Variants in GALNT2 observed in about 807,000 individuals in gnomAD.
The protein encoded by GALNT2 is polypeptide N-acetylgalactosaminyltransferase 2, also known as UDP-GalNAc:polypeptide N-acetylgalactosaminyltransferase 2.
In GALNT2, 31 loss-of-function variants were observed where a neutral mutation model predicts 81.4. That is an observed-to-expected ratio of 0.38 (90% confidence interval 0.29 to 0.51). The LOEUF is 0.51. Among genes scored for constraint, GALNT2 ranks in the 20% least tolerant of loss-of-function variants. GALNT2 has a pLI of 0.87. For missense variants in GALNT2, 629 were observed against 765.7 expected, an observed-to-expected ratio of 0.82 and a Z score of 2.11; for synonymous variants, 303 against 287.4, an observed-to-expected ratio of 1.05 and a Z score of -0.55.
intron 1 of GALNT2, among the ~76,000 whole-genome samples, chr1:230,072,922 C>T (rs902822832): frequency 1.3e-5 from 2 of 152,192 alleles, no homozygotes; most frequent in African/African-American, 4.8e-5. Flanking sequence ...GAGGCCTAGC[C>T]CCACTTCCAT....
chr1:230,112,343 G>A lies in GALNT2; in HGVS notation c.126+44937G>A, dbSNP rs191558467. On this transcript the variant is annotated intron_variant, in intron 1 of 15. Coordinates refer to ENST00000366672, the MANE Select transcript of GALNT2 (RefSeq NM_004481.5). ...GGAGTGCAGCCTGCACATGGGGTGG[G>A]TAGTTCTTAAAGGGAGCCTGCCTCC... 1.2e-3 allele frequency among the ~76,000 whole-genome samples: 167 copies of A among 142,222 alleles called. 1 individual carries two copies. Among genetic ancestry groups the A allele is most frequent in the Middle Eastern group, 4.2e-3 (1 of 238 alleles). The allele number at this position is 142,222 out of a possible 152,430, so 93.3% of individuals were successfully genotyped here. A position where few individuals can be genotyped will look rare whatever the true frequency, so the allele number is the denominator to read the frequency against.
At chr1:230,226,886 A>T (rs554764928) in intron 3 of GALNT2, among the ~76,000 whole-genome samples, 75 of 152,346 alleles carry the variant, frequency 4.9e-4, no homozygotes, top group African/African-American at 1.7e-3. Context: ...GCAGGGTGTA[A>T]ACCTAAAGAA....
chr1:230,126,337 A>G (rs1661175070), intron 1 of GALNT2, among the ~76,000 whole-genome samples: 1 of 152,192 alleles, frequency 6.6e-6, no homozygotes, highest in Non-Finnish European at 1.5e-5. Context: ...TGATGAGTAT[A>G]GCTGAGAGAG....
rs779946304 is a variant in GALNT2, at chr1:230,203,265, G to A, written c.349G>A (p.Ala117Thr). The change falls in exon 3 of 16, where the codon GCC becomes ACC. Residue 117 changes from alanine to threonine, a missense_variant. Ala to Thr is a moderately conservative substitution (Grantham distance 58, BLOSUM62 0). Coordinates refer to ENST00000366672, the MANE Select transcript of GALNT2 (RefSeq NM_004481.5). ...GAGTGATAAGCTTCGAATGGACAGA[G>A]CCATCCCTGACACCCGGCATGACCA... ...VESDKLRMDR[A>T]IPDTRHDQCQ... The A allele has an allele frequency of 6.2e-7, 1 of 1,614,152 alleles. No homozygotes were observed. The highest frequency in any genetic ancestry group is 8.5e-7 in the Non-Finnish European group (1 of 1,180,006).
intron 1 of GALNT2, among the ~76,000 whole-genome samples, chr1:230,068,077 C>G (rs190342598): frequency 6.6e-6 from 1 of 152,246 alleles, no homozygotes; most frequent in Non-Finnish European, 1.5e-5. Context: ...CCCAACCCGG[C>G]CCCCGGCCCT....
In GALNT2 at chr1:230,067,725, G is replaced by A. The variant is rs1051946338; in HGVS notation, c.126+319G>A. Among the ~76,000 whole-genome samples, 8 of 152,302 alleles carry A rather than the reference G, an allele frequency of 5.3e-5. No individual in the cohort carries two copies. The South Asian group carries it at 1.7e-3, about 32-fold the overall frequency. ...CCATCCCCTGCGGTTGGAAGTTTAG[G>A]GATGGGGGTGTTGGGAAACACAAAG... On this transcript the variant is annotated intron_variant, in intron 1 of 15. Transcript: ENST00000366672.
chr1:230,128,689 AC>A (rs977350590), intron 1 of GALNT2, among the ~76,000 whole-genome samples: 13 of 152,116 alleles, frequency 8.5e-5, no homozygotes, highest in African/African-American at 3.1e-4. Flanking sequence ...CCTGAGTGTC[AC>A]AAGAGCCTGA....
intron 1 of GALNT2, among the ~76,000 whole-genome samples, chr1:230,171,912 C>T (rs567744572): frequency 6.6e-6 from 1 of 152,178 alleles, no homozygotes; most frequent in South Asian, 2.1e-4. Context: ...CACCTCACAG[C>T]CCCTGCCCCC....
intron 2 of GALNT2, among the ~76,000 whole-genome samples, chr1:230,197,655 A>G (rs1663742071): frequency 6.6e-6 from 1 of 151,954 alleles, no homozygotes; most frequent in Non-Finnish European, 1.5e-5. Context: ...TGTTATAACA[A>G]CCCCAGAAGT....
chr1:230,239,798 T>C (rs1665144537), intron 6 of GALNT2, among the ~76,000 whole-genome samples: 1 of 152,248 alleles, frequency 6.6e-6, no homozygotes, highest in African/African-American at 2.4e-5. Flanking sequence ...AGTATTCCAT[T>C]TGAATTATTC....
At chr1:230,126,623 C>T (rs1037091751) in intron 1 of GALNT2, among the ~76,000 whole-genome samples, 3 of 152,204 alleles carry the variant, frequency 2.0e-5, no homozygotes, top group Non-Finnish European at 4.4e-5. Context: ...CAGCCTCACT[C>T]ACGTACCTCA....
intron 1 of GALNT2, among the ~76,000 whole-genome samples, 158 bp from the exon 2 acceptor site, chr1:230,178,060 C>A (rs1663041178): frequency 6.6e-6 from 1 of 152,174 alleles, no homozygotes; most frequent in African/African-American, 2.4e-5. Flanking sequence ...CTAACAATTT[C>A]TGGTGTGTGG....
intron 14 of GALNT2, among the ~76,000 whole-genome samples, chr1:230,267,649 G>A (rs1047712603): frequency 5.9e-5 from 9 of 152,216 alleles, no homozygotes; most frequent in African/African-American, 2.2e-4. Flanking sequence ...CTCGTCACAG[G>A]CCCCACCCGT....
In GALNT2 at chr1:230,193,971, A is replaced by G. The variant is rs1663609177; in HGVS notation, c.221-9166A>G. On this transcript the variant is annotated intron_variant, in intron 2 of 15. Transcript: ENST00000366672. The surrounding 1 kb of genome is among the most constrained non-coding windows in gnomAD (Gnocchi z 4.3). ...CCATGGACCGTTACAGTCGCCAGCC[A>G]CTCTCTGCTCAAGGGACACTGTCCT... Among the ~76,000 whole-genome samples the G allele has an allele frequency of 6.6e-6, 1 of 152,042 alleles. No homozygotes were observed. Among genetic ancestry groups the G allele is most frequent in the South Asian group, 2.1e-4 (1 of 4,824 alleles).
intron 2 of GALNT2, among the ~76,000 whole-genome samples, chr1:230,196,550 G>A (rs1346117108): frequency 1.3e-5 from 2 of 152,182 alleles, no homozygotes; most frequent in Non-Finnish European, 2.9e-5. Flanking sequence ...CGGCAAGTGC[G>A]AGACGTCCCT....
intron 15 of GALNT2, among the ~76,000 whole-genome samples, chr1:230,276,755 A>G (rs975293136): frequency 6.6e-6 from 1 of 152,166 alleles, no homozygotes; most frequent in African/African-American, 2.4e-5. Context: ...TGATGACTTG[A>G]TACCAAAATG....
At chr1:230,164,678 C>T (rs927167274) in intron 1 of GALNT2, among the ~76,000 whole-genome samples, 2 of 151,978 alleles carry the variant, frequency 1.3e-5, no homozygotes, top group Non-Finnish European at 2.9e-5. Flanking sequence ...GGACTACAGG[C>T]GCCCGCCACC....
rs3216809 is a variant in GALNT2, at chr1:230,280,665, GC to G, written c.*1209del. 0.14 allele frequency: 21,987 copies of G among 152,288 alleles called. 2,028 individuals are homozygous for G. The highest frequency in any genetic ancestry group is 0.43 in the East Asian group (2,184 of 5,096). 9.4% of individuals were successfully genotyped at this position (152,288 alleles called of 1,614,324 possible). On this transcript the variant is annotated 3_prime_UTR_variant, in exon 16 of 16. Transcript: ENST00000366672. The stretch of plus-strand genomic sequence containing the variant: ...GGCTCACAGTCCTGCACACCTGCTG[GC>G]CTGGGGAGCTCCAGCCAGGCAGCGA...
chr1:230,155,034 G>A (rs1243148030), intron 1 of GALNT2, among the ~76,000 whole-genome samples: 1 of 152,212 alleles, frequency 6.6e-6, no homozygotes, highest in Non-Finnish European at 1.5e-5. Flanking sequence ...ATGGGGTCTT[G>A]GTCTGGGGCT....
Sources: allele counts gnomAD v4.1 joint callset (sites outside exome capture counted in the v4.1 genomes callset), GRCh38; gene constraint gnomAD v4.1.1; non-coding constraint Gnocchi (gnomAD v3.1); transcripts MANE v1.5; gene names NCBI Gene and HGNC (gene_info 2026-07-23, HGNC 2026-07-21).